The following HDAC2 variants were observed in gnomAD, a reference collection of about 807,000 sequenced individuals.
The protein encoded by HDAC2 is histone deacetylase 2.
In HDAC2, 5 loss-of-function variants were observed where a neutral mutation model predicts 68.5. That is an observed-to-expected ratio of 0.07 (90% CI 0.04 to 0.15). The LOEUF is 0.15. Among genes scored for constraint, HDAC2 ranks in the 10% least tolerant of loss-of-function variants. The probability of loss-of-function intolerance (pLI) is 1.00; values close to 1 mark genes in which losing one functional copy is unlikely to be tolerated. For synonymous variants in HDAC2, 182 were observed against 191.3 expected (o/e 0.95, Z 0.40); for missense variants, 291 against 600.8 (o/e 0.48, Z 5.39).
chr6:113,954,296 A>G (rs1405961006), intron 5 of HDAC2, among the ~76,000 whole-genome samples: 1 of 152,246 alleles, frequency 6.6e-6, no homozygotes, highest in Non-Finnish European at 1.5e-5. Context: ...AAAACAATAC[A>G]ATGTAAATTG....
rs1279919599 is a variant in HDAC2, at chr6:113,940,224, G to A, written c.*834C>T. The A allele has an allele frequency of 6.6e-6, 1 of 152,124 alleles. No individual in the cohort carries two copies. Among genetic ancestry groups the A allele is most frequent in the Non-Finnish European group, 1.5e-5 (1 of 68,004 alleles). The allele number at this position is 152,124 out of a possible 1,614,324, so 9.4% of individuals were successfully genotyped here. ...ATAAATCAGTTGTGTTTATTTCCTT[G>A]AGTTAGAAACCTGGATGTCACGTAA... On this transcript the variant is annotated 3_prime_UTR_variant, in exon 14 of 14. Transcript: ENST00000519065.
chr6:113,966,778 G>A (rs1015996572), intron 1 of HDAC2, among the ~76,000 whole-genome samples: 1 of 152,064 alleles, frequency 6.6e-6, no homozygotes, highest in African/African-American at 2.4e-5. Flanking sequence ...ATAGGAGAAA[G>A]CATCTCTGAT....
rs1183983099 is a variant in HDAC2, at chr6:113,970,858, G to A, written c.51C>T (p.Asp17=). 1.3e-6 allele frequency: 2 copies of A among 1,540,990 alleles called. No individual in the cohort carries two copies. The highest frequency in any genetic ancestry group is 1.7e-4 in the Middle Eastern group (1 of 5,922). The change falls in exon 1 of 14, where the codon GAC becomes GAT. Residue 17 remains aspartate, a splice_region_variant and synonymous_variant. Transcript: ENST00000519065. The part of the protein sequence containing the change: ...GGKKKVCYYY[D]GDIGNYYYGQ... ...CCCGACACCGGCCCGGCCGCTCACC[G>A]TCGTAGTAGTAGCAGACTTTTTTTT... is the stretch of plus-strand genomic sequence containing the variant.
rs1417888241 is a variant in HDAC2 at position 113,949,067 on chromosome 6, C to T, written c.753G>A (p.Glu251=). 6.2e-7 allele frequency: 1 copy of T among 1,613,484 alleles called. No individual in the cohort carries two copies. The highest frequency in any genetic ancestry group is 8.5e-7 in the Non-Finnish European group (1 of 1,179,712). The change falls in exon 8 of 14, where the codon GAG becomes GAA. Residue 251 remains glutamate (E), a synonymous_variant. Coordinates refer to ENST00000519065, the MANE Select transcript of HDAC2 (RefSeq NM_001527.4). ...ATACCACAGCACTAGGTTGATACAT[C>T]TCCATCACCTTTGAGATAATCTACA... ...IFKPIISKVM[E]MYQPSAVVLQ... is the part of the protein sequence containing the mutation.
rs1173210372 is a variant in HDAC2, at chr6:113,956,110, C to T, written c.400G>A (p.Val134Ile). The change falls in exon 5 of 14, where the codon GTT (valine) becomes ATT (isoleucine). Residue 134 changes from valine (V) to isoleucine (I), a missense_variant. By Grantham distance (29) the Val-to-Ile change is conservative. This residue lies in a region of HDAC2 where 154 missense variants were observed against 472.1 expected (regional missense o/e 0.33). Coordinates refer to ENST00000519065, the MANE Select transcript of HDAC2 (RefSeq NM_001527.4). ...TGATGTAATCCTCCAGCCCAATTAA[C>T]AGCCATATCAGTCTGTTGTCGGTTT... ...KLNRQQTDMA[V>I]NWAGGLHHAK... is the part of the protein sequence containing the mutation. 8 of 1,612,378 alleles carry T rather than the reference C, an allele frequency of 5.0e-6. No homozygotes were observed. The Admixed American group carries it at 6.7e-5, about 13-fold the overall frequency.
At chr6:113,961,245 C>T (rs1776675298) in intron 1 of HDAC2, among the ~76,000 whole-genome samples, 1 of 152,118 alleles carries the variant, frequency 6.6e-6, no homozygotes, top group Non-Finnish European at 1.5e-5. Context: ...CCTAAATACA[C>T]CTTTTGTTTG....
intron 8 of HDAC2, chr6:113,946,651 AACATCTATT>A (rs1256865192): frequency 1.3e-5 from 2 of 152,258 alleles, no homozygotes; most frequent in Admixed American, 1.3e-4. Flanking sequence ...AAGAGTTAAA[AACATCTATT>A]AATTTTCAAA....
intron 6 of HDAC2, among the ~76,000 whole-genome samples, chr6:113,950,537 T>C (rs928684991): frequency 6.6e-6 from 1 of 151,500 alleles, no homozygotes; most frequent in Non-Finnish European, 1.5e-5. Flanking sequence ...GGACTACAGG[T>C]GCACGCCACC....
At chr6:113,956,384 C>G in intron 4 of HDAC2, 1 of 565,796 alleles carries the variant, frequency 1.8e-6, no homozygotes, top group Non-Finnish European at 3.1e-6. Context: ...ACAATGATAC[C>G]TAGAAGACAA....
At position 113,939,574 on chromosome 6, in the gene HDAC2, T is replaced by C. The variant is rs1243835400; in HGVS notation, c.*1484A>G. ...CTAAGTTTCTTAGTTCCTAATGTCA[T>C]AAAGGTTTACAGATTGATAACAAAT... On this transcript the variant is annotated 3_prime_UTR_variant, in exon 14 of 14. Transcript: ENST00000519065. 6.6e-6 allele frequency: 1 copy of C among 152,162 alleles called. No homozygotes were observed. Among genetic ancestry groups the C allele is most frequent in the Non-Finnish European group, 1.5e-5 (1 of 68,028 alleles). The allele number at this position is 152,162 out of a possible 1,614,324, so 9.4% of individuals were successfully genotyped here. A position where few individuals can be genotyped will look rare whatever the true frequency, so the allele number is the denominator to read the frequency against.
chr6:113,963,083 C>T (rs1190469888), intron 1 of HDAC2, among the ~76,000 whole-genome samples: 1 of 151,794 alleles, frequency 6.6e-6, no homozygotes, highest in African/African-American at 2.4e-5. Flanking sequence ...TTGTAGGCAT[C>T]CACTTTGTTT....
chr6:113,953,876 CA>C (rs1776479635), intron 5 of HDAC2, among the ~76,000 whole-genome samples: 1 of 152,116 alleles, frequency 6.6e-6, no homozygotes. Flanking sequence ...GGTTTAAAAA[CA>C]AAACCAAAAC....
At chr6:113,962,983 A>T (rs1036985780) in intron 1 of HDAC2, among the ~76,000 whole-genome samples, 4 of 150,646 alleles carry the variant, frequency 2.7e-5, no homozygotes, top group Admixed American at 2.0e-4. Flanking sequence ...AAAAAAAAAG[A>T]ATTCTTCTAA....
At position 113,950,983 on chromosome 6, in the gene HDAC2, A is replaced by G. The variant is rs190521070; in HGVS notation, c.640-1723T>C. Among the ~76,000 whole-genome samples, 471 of 152,342 alleles carry G rather than the reference A, an allele frequency of 3.1e-3. 3 individuals are homozygous for G. The highest frequency in any genetic ancestry group is 0.021 in the South Asian group (101 of 4,826). On this transcript the variant is annotated intron_variant, in intron 6 of 13. Coordinates refer to ENST00000519065, the MANE Select transcript of HDAC2 (RefSeq NM_001527.4). ...CTAAATACAAACCATACAAATATGG[A>G]AAAGCCAAAGTATTGTGAAAACTTT...
intron 1 of HDAC2, among the ~76,000 whole-genome samples, chr6:113,962,197 T>C (rs1487388406): frequency 6.6e-6 from 1 of 152,194 alleles, no homozygotes; most frequent in Non-Finnish European, 1.5e-5. Context: ...TGGGTATTAT[T>C]ACATTATTCC....
At chr6:113,963,751 A>G (rs1041598007) in intron 1 of HDAC2, among the ~76,000 whole-genome samples, 5 of 152,208 alleles carry the variant, frequency 3.3e-5, no homozygotes, top group African/African-American at 7.2e-5. Flanking sequence ...ATACTTTACC[A>G]ATGAAATAAA....
intron 12 of HDAC2, 36 bp from the exon 13 acceptor site, chr6:113,941,801 T>G (rs777519671): frequency 2.6e-6 from 2 of 782,504 alleles, no homozygotes; most frequent in South Asian, 4.5e-5. Flanking sequence ...TAAAACCTAT[T>G]TTGAAATATA....
chr6:113,959,128 A>G (rs1396806077), intron 2 of HDAC2, among the ~76,000 whole-genome samples: 1 of 152,104 alleles, frequency 6.6e-6, no homozygotes, highest in East Asian at 1.9e-4. Context: ...ACTCACTACA[A>G]GAGTTTTCAA....
intron 8 of HDAC2, 46 bp from the exon 9 acceptor site, chr6:113,946,194 C>A: frequency 6.7e-7 from 1 of 1,503,704 alleles, no homozygotes; most frequent in Non-Finnish European, 9.1e-7. Context: ...CATACTGCAA[C>A]AGTTCGAAAA....
Sources: gnomAD v4.1 joint callset for allele counts (sites outside exome capture counted in the v4.1 genomes callset) on GRCh38, gnomAD v4.1.1 for gene constraint, gnomAD v4.1.1 regional missense constraint, MANE v1.5 for transcripts, NCBI Gene and HGNC (gene_info 2026-07-23, HGNC 2026-07-21) for gene names.